Variants in DNAH14 observed in about 807,000 individuals in gnomAD.
The protein encoded by DNAH14 is dynein axonemal heavy chain 14.
DNAH14 carries 478 observed loss-of-function variants against 520.9 expected under a neutral mutation model. The ratio of observed to expected loss-of-function variants is 0.92; its 90% CI spans 0.85 to 0.99. The LOEUF (loss-of-function observed/expected upper bound fraction) is 0.99. DNAH14 is among the 50% of genes least tolerant of loss of function. The pLI, the probability that DNAH14 is intolerant of heterozygous loss-of-function variation, is 0.00. For missense variants in DNAH14, 4,831 were observed against 5,234.5 expected (o/e 0.92, Z 2.38); for synonymous variants, 1,581 against 1,757.2 (o/e 0.90, Z 2.51).
chr1:225,201,494 T>G (rs1203194941), intron 38 of DNAH14, among the ~76,000 whole-genome samples: 1 of 152,154 alleles, frequency 6.6e-6, no homozygotes, highest in Non-Finnish European at 1.5e-5. Flanking sequence ...TTGGGTAGGC[T>G]CTGTCAGAGG....
In DNAH14 at chr1:225,069,988, G is replaced by A. The variant is rs115164312; in HGVS notation, c.2425-9219G>A. Among the ~76,000 whole-genome samples the A allele has an allele frequency of 6.5e-3, 989 of 152,132 alleles. 9 individuals carry two copies. Among genetic ancestry groups the A allele is most frequent in the African/African-American group, 0.019 (797 of 41,524 alleles). ...ATTTCTTCTAGATTTTCTAGCTTAT[G>A]TCTGTAGAGGTATTCATAATGTTTT... is the stretch of plus-strand genomic sequence containing the variant. On this transcript the variant is annotated intron_variant, in intron 17 of 85. Coordinates refer to ENST00000682510, the MANE Select transcript of DNAH14 (RefSeq NM_001367479.1).
At chr1:225,398,424 AG>A (rs1451482132) in intron 84 of DNAH14, 95 bp from the exon 85 acceptor site, 1 of 1,404,000 alleles carries the variant, frequency 7.1e-7, no homozygotes, top group African/African-American at 1.4e-5. Flanking sequence ...AGGCAGGATG[AG>A]CCCCTCTGGA....
At chr1:225,318,236 A>G (rs1204091867) in intron 60 of DNAH14, among the ~76,000 whole-genome samples, 2 of 152,224 alleles carry the variant, frequency 1.3e-5, no homozygotes, top group Non-Finnish European at 2.9e-5. Flanking sequence ...TGAGAGGCTG[A>G]AGTTTAAGCT....
chr1:225,232,280 T>TACACACACAC lies in DNAH14; in HGVS notation c.6518+1140_6518+1149dup, dbSNP rs139079665. Among the ~76,000 whole-genome samples the TACACACACAC allele has an allele frequency of 2.0e-3, 305 of 149,590 alleles. 1 individual carries two copies. The highest frequency in any genetic ancestry group is 5.0e-3 in the African/African-American group (205 of 40,780). ...ATATATAAACTGTGATATATATATA[T>TACACACACAC]ACACACACACACACACACACGTGTA... On this transcript the variant is annotated intron_variant, in intron 42 of 85. Coordinates refer to ENST00000682510, the MANE Select transcript of DNAH14 (RefSeq NM_001367479.1). This position sits in a 1 kb window ranked among gnomAD's most constrained non-coding sequence, Gnocchi z 4.2.
intron 51 of DNAH14, among the ~76,000 whole-genome samples, chr1:225,272,506 C>A (rs1036479517): frequency 5.9e-5 from 9 of 152,324 alleles, no homozygotes; most frequent in African/African-American, 1.9e-4. Context: ...AAAATCAATT[C>A]TTGAATTTGA....
chr1:225,030,189 A>C (rs1184012457), intron 11 of DNAH14, among the ~76,000 whole-genome samples: 2 of 151,906 alleles, frequency 1.3e-5, no homozygotes, highest in East Asian at 1.9e-4. Context: ...ATTAGAATAA[A>C]ATACAGTTTT....
intron 23 of DNAH14, among the ~76,000 whole-genome samples, chr1:225,113,284 A>T (rs2076618349): frequency 6.6e-6 from 1 of 152,162 alleles, no homozygotes. Flanking sequence ...AATTCTCCAG[A>T]TTACCAAGCA....
At chr1:225,173,755 A>G (rs1260357890) in intron 36 of DNAH14, among the ~76,000 whole-genome samples, 3 of 152,234 alleles carry the variant, frequency 2.0e-5, no homozygotes, top group African/African-American at 7.2e-5. Flanking sequence ...CCATCCCATT[A>G]CTGGGTATAT....
chr1:225,334,908 G>GTTTA (rs58202867), intron 66 of DNAH14, among the ~76,000 whole-genome samples: 1 of 146,376 alleles, frequency 6.8e-6, no homozygotes, highest in African/African-American at 2.6e-5. Flanking sequence ...GTGTGTGTGT[G>GTTTA]TATATGTATA....
At chr1:225,067,250 G>A (rs1275741964) in intron 17 of DNAH14, among the ~76,000 whole-genome samples, 3 of 152,096 alleles carry the variant, frequency 2.0e-5, no homozygotes, top group Non-Finnish European at 4.4e-5. Context: ...AATTTGCTAA[G>A]GACAATGGCC....
At chr1:225,358,682 C>T (rs1283907949) in intron 74 of DNAH14, 30 bp downstream of exon 74, 2 of 1,538,682 alleles carry the variant, frequency 1.3e-6, no homozygotes, top group African/African-American at 1.4e-5. Flanking sequence ...TTAAGATGAT[C>T]GATATGGTTT....
chr1:225,392,151 C>A (rs1575168881), intron 83 of DNAH14, 140 bp from the exon 84 acceptor site: 2 of 1,084,954 alleles, frequency 1.8e-6, no homozygotes, highest in Admixed American at 2.8e-5. Context: ...TGGTCCTCTG[C>A]TCCCGCCCAG....
chr1:225,322,755 T>C lies in DNAH14; in HGVS notation c.9427T>C (p.Leu3143=). The part of the protein sequence containing the change: ...QKKPNWATAK[L]LLSETGFLKK... ...GAAACCTAACTGGGCAACGGCAAAG[T>C]TACTTCTTTCAGAAACTGGTTTCCT... The change falls in exon 62 of 86, where the codon TTA becomes CTA. Residue 3143 remains leucine (L), a synonymous_variant. Coordinates refer to ENST00000682510, the MANE Select transcript of DNAH14 (RefSeq NM_001367479.1). 1 of 1,551,824 alleles carries C rather than the reference T, an allele frequency of 6.4e-7. No homozygotes were observed. Among genetic ancestry groups the C allele is most frequent in the South Asian group, 1.2e-5 (1 of 84,056 alleles).
chr1:225,182,807 G>A lies in DNAH14; in HGVS notation c.5536-2484G>A, dbSNP rs184761003. Among the ~76,000 whole-genome samples the A allele has an allele frequency of 2.6e-5, 4 of 152,282 alleles. No individual in the cohort carries two copies. The East Asian group carries it at 7.7e-4, about 29-fold the overall frequency. ...ATTTAGACTCACTGTGGACCAGAAAGGAATCTGTCATCCCAGTAGGAGAAA... is the reference window on the plus strand; with the variant it reads ...ATTTAGACTCACTGTGGACCAGAAAAGAATCTGTCATCCCAGTAGGAGAAA... On this transcript the variant is annotated intron_variant, in intron 36 of 85. Coordinates refer to ENST00000682510, the MANE Select transcript of DNAH14 (RefSeq NM_001367479.1).
intron 23 of DNAH14, 25 bp from the exon 24 acceptor site, chr1:225,117,659 T>C: frequency 7.2e-7 from 1 of 1,382,340 alleles, no homozygotes; most frequent in Non-Finnish European, 9.9e-7. Context: ...ATATTCTGAA[T>C]TGCATTTCTT....
chr1:225,352,561 A>T (rs1291300490), intron 72 of DNAH14, among the ~76,000 whole-genome samples: 1 of 152,260 alleles, frequency 6.6e-6, no homozygotes, highest in South Asian at 2.1e-4. Context: ...TTTCTTGAAA[A>T]GTCTATGATA....
intron 17 of DNAH14, among the ~76,000 whole-genome samples, chr1:225,078,014 G>A (rs1212981159): frequency 6.6e-6 from 1 of 152,074 alleles, no homozygotes; most frequent in Non-Finnish European, 1.5e-5. Flanking sequence ...ATAAAATTAT[G>A]CAGGCATACT....
At chr1:225,313,623 A>C (rs2094412868) in intron 60 of DNAH14, among the ~76,000 whole-genome samples, 1 of 152,168 alleles carries the variant, frequency 6.6e-6, no homozygotes, top group African/African-American at 2.4e-5. Flanking sequence ...TGTGTCCCAG[A>C]GATTCCGGTA....
chr1:225,139,026 A>G (rs542555813), intron 27 of DNAH14, among the ~76,000 whole-genome samples: 3 of 152,286 alleles, frequency 2.0e-5, no homozygotes, highest in East Asian at 1.9e-4. Flanking sequence ...TTTAAAATTA[A>G]CATCATATCC....
Sources: gnomAD v4.1 joint callset for allele counts (sites outside exome capture counted in the v4.1 genomes callset) on GRCh38, gnomAD v4.1.1 for gene constraint, Gnocchi (gnomAD v3.1) non-coding constraint, MANE v1.5 for transcripts, NCBI Gene and HGNC (gene_info 2026-07-23, HGNC 2026-07-21) for gene names.